Variants in CCT8 observed in about 807,000 individuals in gnomAD.
The protein encoded by CCT8 is chaperonin containing TCP1 subunit 8, also known as T-complex protein 1 subunit theta.
A neutral mutation model predicts 65.7 loss-of-function variants in CCT8; 10 were observed. That is an observed-to-expected ratio of 0.15 (90% confidence interval 0.09 to 0.26). The LOEUF (loss-of-function observed/expected upper bound fraction) is 0.26, where lower values mean the gene tolerates loss of function less well. Ranked by LOEUF, CCT8 falls within the 10% of genes least tolerant of loss-of-function variation. The pLI is 1.00. For synonymous variants in CCT8, 199 were observed against 221.8 expected (o/e 0.90, Z 0.92); for missense variants, 568 against 669.1 (o/e 0.85, Z 1.67).
At chr21:29,063,969 G>T (rs929202365) in intron 7 of CCT8, among the ~76,000 whole-genome samples, 1 of 152,104 alleles carries the variant, frequency 6.6e-6, no homozygotes, top group Non-Finnish European at 1.5e-5. Flanking sequence ...GTTTCACCAT[G>T]TTGGCCAGGC....
rs905420592 is a variant in CCT8, at chr21:29,066,736, T to A, written c.604A>T (p.Ile202Phe). Residue 202 changes from isoleucine to phenylalanine, a missense_variant, in exon 6 of 15, where the codon ATC becomes TTC. Physicochemically the swap from Ile to Phe is conservative, Grantham distance 21 (BLOSUM62 0). Transcript: ENST00000286788. ...PDSGHFNVDN[I>F]RVCKILGSGI... ...CTTACCAGAATTTTACAAACTCTGA[T>A]GTTATCAACATTGAAATGGCCGGAA... 1.9e-6 allele frequency: 3 copies of A among 1,608,248 alleles called. No individual in the cohort carries two copies. Among genetic ancestry groups the A allele is most frequent in the South Asian group, 1.1e-5 (1 of 89,790 alleles).
At chr21:29,072,008 T>TG (rs1332337288) in intron 1 of CCT8, 34 of 688,574 alleles carry the variant, frequency 4.9e-5, no homozygotes, top group African/African-American at 4.9e-4. Flanking sequence ...TTGTTGTTGT[T>TG]TTAAAAAAAA....
At chr21:29,066,629 A>C in intron 6 of CCT8, 87 bp downstream of exon 6, 3 of 774,584 alleles carry the variant, frequency 3.9e-6, no homozygotes, top group Non-Finnish European at 6.4e-6. Context: ...TTAGATGAAC[A>C]CATTTTTTTT....
At chr21:29,060,460 T>C in intron 14 of CCT8, 81 bp downstream of exon 14, 1 of 1,375,084 alleles carries the variant, frequency 7.3e-7, no homozygotes, top group South Asian at 1.3e-5. Flanking sequence ...AGAACTATGC[T>C]ATGTTCTAGT....
intron 1 of CCT8, chr21:29,072,174 G>T (rs2085688209): frequency 1.8e-6 from 1 of 563,938 alleles, no homozygotes; most frequent in Non-Finnish European, 3.1e-6. Context: ...ACGTCTAAGT[G>T]TTCTGTCTAT....
chr21:29,067,575 A>G lies in CCT8; in HGVS notation c.362T>C (p.Ile121Thr), dbSNP rs2085637851. The change falls in exon 4 of 15, where the codon ATT becomes ACT. Residue 121 changes from isoleucine (I) to threonine (T), a missense_variant. By Grantham distance (89) the Ile-to-Thr change is moderately conservative. Coordinates refer to ENST00000286788, the MANE Select transcript of CCT8 (RefSeq NM_006585.4). ...ACTTGCCTCTGAAACTGACAGGCCA[A>G]TCCTCAGAAGTTCTTCAGCTAATTC... ...LLELAEELLR[I>T]GLSVSEVIEG... 3 of 1,462,220 alleles carry G rather than the reference A, an allele frequency of 2.1e-6. No individual in the cohort carries two copies. The highest frequency in any genetic ancestry group is 5.3e-5 in the East Asian group (2 of 37,686). 90.6% of individuals were successfully genotyped at this position (1,462,220 alleles called of 1,614,324 possible).
chr21:29,073,110 G>A (rs920960388), intron 1 of CCT8: 27 of 269,330 alleles, frequency 1.0e-4, no homozygotes, highest in Non-Finnish European at 1.5e-4. Flanking sequence ...GCTAGTTCTC[G>A]TTCTTCCCCA....
intron 3 of CCT8, among the ~76,000 whole-genome samples, chr21:29,068,616 C>A (rs151238441): frequency 6.6e-6 from 1 of 152,190 alleles, no homozygotes; most frequent in Non-Finnish European, 1.5e-5. Flanking sequence ...TGTGCCACCA[C>A]GCCCGGCTGA....
At chr21:29,059,751 T>C (rs969603826) in intron 14 of CCT8, 4 of 152,346 alleles carry the variant, frequency 2.6e-5, no homozygotes, top group African/African-American at 9.6e-5. Flanking sequence ...TTTTTGGTCA[T>C]CTCTTGCTAT....
chr21:29,067,529 A>G (rs772218234), intron 4 of CCT8, 27 bp downstream of exon 4: 42 of 1,427,876 alleles, frequency 2.9e-5, no homozygotes, highest in Non-Finnish European at 3.7e-5. Context: ...AAAATTTAGT[A>G]GGAGTAAATT....
chr21:29,062,262 T>C lies in CCT8; in HGVS notation c.1097-19A>G, dbSNP rs1317326985. ...TCCTTTTCTATCAAAAAATTAAATA[T>C]ATTTGGTGATTAAATACAAGAAGCT... On this transcript the variant is annotated intron_variant, in intron 10 of 14. Coordinates refer to ENST00000286788, the MANE Select transcript of CCT8 (RefSeq NM_006585.4). 28 of 1,606,412 alleles carry C rather than the reference T, an allele frequency of 1.7e-5. No homozygotes were observed. The highest frequency in any genetic ancestry group is 5.4e-5 in the African/African-American group (4 of 74,712).
At chr21:29,069,530 AAG>A in intron 2 of CCT8, 28 bp from the exon 3 acceptor site, 2 of 1,378,564 alleles carry the variant, frequency 1.5e-6, no homozygotes, top group Non-Finnish European at 9.9e-7. Context: ...AAAAAAGAAA[AAG>A]AAAGCCATTA....
chr21:29,056,573 C>T, intron 14 of CCT8, 21 bp from the exon 15 acceptor site: 2 of 1,463,710 alleles, frequency 1.4e-6, no homozygotes, highest in Non-Finnish European at 1.8e-6. Context: ...AAGAATCACA[C>T]AAGAGTATGC....
rs1234672849 is a variant in CCT8 at position 29,065,022 on chromosome 21, A to G, written c.708T>C (p.Asp236=). ...GACAAGAGTACACTGCTATTTTTGCATCTTTGACAGATGTTACATCACCTT... is the reference window on the plus strand; with the variant it reads ...GACAAGAGTACACTGCTATTTTTGCGTCTTTGACAGATGTTACATCACCTT... ...ETEGDVTSVK[D]AKIAVYSCPF... is the part of the protein sequence containing the mutation. The change falls in exon 7 of 15, where the codon GAT becomes GAC. Residue 236 remains aspartate (D), a synonymous_variant. Coordinates refer to ENST00000286788, the MANE Select transcript of CCT8 (RefSeq NM_006585.4). 9 of 1,613,844 alleles carry G rather than the reference A, an allele frequency of 5.6e-6. No individual in the cohort carries two copies. The highest frequency in any genetic ancestry group is 7.6e-6 in the Non-Finnish European group (9 of 1,179,798).
intron 14 of CCT8, among the ~76,000 whole-genome samples, chr21:29,057,749 ATATG>A (rs1017316855): frequency 4.4e-5 from 4 of 91,604 alleles, no homozygotes; most frequent in African/African-American, 9.3e-5. Context: ...TATATCATGT[ATATG>A]TATGATATGA....
At chr21:29,063,830 G>C (rs550031959) in intron 7 of CCT8, among the ~76,000 whole-genome samples, 1 of 152,266 alleles carries the variant, frequency 6.6e-6, no homozygotes, top group Non-Finnish European at 1.5e-5. Context: ...GTGCAGGCAG[G>C]ATCTCGGCTC....
chr21:29,068,672 C>G (rs2085650558), intron 3 of CCT8, among the ~76,000 whole-genome samples: 1 of 152,138 alleles, frequency 6.6e-6, no homozygotes, highest in Non-Finnish European at 1.5e-5. Flanking sequence ...ACCATGTTGG[C>G]CAGGCTAGTC....
intron 1 of CCT8, among the ~76,000 whole-genome samples, chr21:29,071,592 C>T (rs1022384034): frequency 6.6e-6 from 1 of 152,012 alleles, no homozygotes; most frequent in Non-Finnish European, 1.5e-5. Context: ...GGCGGAGTTT[C>T]ACCATGTTGG....
intron 7 of CCT8, among the ~76,000 whole-genome samples, chr21:29,064,214 C>A (rs981998490): frequency 6.6e-6 from 1 of 151,364 alleles, no homozygotes; most frequent in Non-Finnish European, 1.5e-5. Context: ...GCCTGTAATC[C>A]TAGCACTCTG....
Sources: allele counts gnomAD v4.1 joint callset (sites outside exome capture counted in the v4.1 genomes callset), GRCh38; gene constraint gnomAD v4.1.1; transcripts MANE v1.5; gene names NCBI Gene and HGNC (gene_info 2026-07-23, HGNC 2026-07-21).